Variants in FIGN observed in about 807,000 individuals in gnomAD.
The protein encoded by FIGN is fidgetin, microtubule severing factor.
FIGN carries 11 observed loss-of-function variants against 51.3 expected under a neutral mutation model. That is an observed-to-expected ratio of 0.21 (90% CI 0.13 to 0.35). The LOEUF (loss-of-function observed/expected upper bound fraction) is 0.35, where lower values mean the gene tolerates loss of function less well. Ranked by LOEUF, FIGN falls within the 10% of genes least tolerant of loss-of-function variation. FIGN has a pLI of 1.00. For synonymous variants in FIGN, 407 were observed against 363.2 expected, an observed-to-expected ratio of 1.12 and a Z score of -1.37; for missense variants, 857 against 943.6, an observed-to-expected ratio of 0.91 and a Z score of 1.20.
In FIGN at chr2:163,660,932, G is replaced by T. The variant is rs1377234038; in HGVS notation, c.26-49126C>A. The stretch of plus-strand genomic sequence containing the variant: ...AGATGGAGTCTCTGTTGCCCAGGCT[G>T]GAGTCCAGTGGCATGATCTTGGCTC... On this transcript the variant is annotated intron_variant, in intron 2 of 2. Coordinates refer to ENST00000333129, the MANE Select transcript of FIGN (RefSeq NM_018086.4). Among the ~76,000 whole-genome samples, 3 of 119,402 alleles carry T rather than the reference G, an allele frequency of 2.5e-5. No individual in the cohort carries two copies. The East Asian group carries it at 7.3e-4, about 29-fold the overall frequency. The allele number at this position is 119,402 out of a possible 152,430, so 78.3% of individuals were successfully genotyped here.
At chr2:163,653,167 T>G (rs1194843633) in intron 2 of FIGN, among the ~76,000 whole-genome samples, 8 of 152,104 alleles carry the variant, frequency 5.3e-5, no homozygotes. Flanking sequence ...TTAAATGAGC[T>G]CATCCATGTA....
chr2:163,706,880 A>C (rs370139299), intron 2 of FIGN, among the ~76,000 whole-genome samples: 10 of 152,194 alleles, frequency 6.6e-5, no homozygotes, highest in African/African-American at 2.4e-4. Flanking sequence ...CAAACAAAAA[A>C]AATTATGCCA....
At chr2:163,658,396 TC>T (rs1402964270) in intron 2 of FIGN, among the ~76,000 whole-genome samples, 1 of 143,782 alleles carries the variant, frequency 7.0e-6, no homozygotes, top group Non-Finnish European at 1.5e-5. Context: ...TCTCTCTCTC[TC>T]TCTCTCTCTC....
chr2:163,610,200 C>A lies in FIGN; in HGVS notation c.1632G>T (p.Gly544=). The change falls in exon 3 of 3, where the codon GGG becomes GGT. Residue 544 remains glycine, a synonymous_variant. Coordinates refer to ENST00000333129, the MANE Select transcript of FIGN (RefSeq NM_018086.4). ...AACCGGCAATTTTGAAAAATGTGGCCCCCAGCTGACTAGCGATGCATCTGC... is the reference window on the plus strand; with the variant it reads ...AACCGGCAATTTTGAAAAATGTGGCACCCAGCTGACTAGCGATGCATCTGC... ...LLGRCIASQL[G]ATFFKIAGSG... is the part of the protein sequence containing the mutation. 6.2e-7 allele frequency: 1 copy of A among 1,614,092 alleles called. No individual in the cohort carries two copies. Among genetic ancestry groups the A allele is most frequent in the Non-Finnish European group, 8.5e-7 (1 of 1,180,018 alleles).
At chr2:163,618,611 A>C (rs1244480245) in intron 2 of FIGN, among the ~76,000 whole-genome samples, 1 of 147,966 alleles carries the variant, frequency 6.8e-6, no homozygotes, top group Non-Finnish European at 1.5e-5. Flanking sequence ...GATCCGTCTC[A>C]AAAAAAAAAA....
chr2:163,723,213 T>C (rs928823353), intron 2 of FIGN, among the ~76,000 whole-genome samples: 3 of 151,606 alleles, frequency 2.0e-5, no homozygotes, highest in African/African-American at 7.3e-5. Context: ...AATAATAAAA[T>C]AATAAAATAA....
intron 2 of FIGN, among the ~76,000 whole-genome samples, chr2:163,627,091 T>C (rs1428268073): frequency 2.0e-5 from 3 of 152,168 alleles, no homozygotes; most frequent in Non-Finnish European, 4.4e-5. Flanking sequence ...GTATACTCAA[T>C]TGAACAGCTT....
At chr2:163,702,156 A>G (rs1684417651) in intron 2 of FIGN, among the ~76,000 whole-genome samples, 1 of 152,112 alleles carries the variant, frequency 6.6e-6, no homozygotes, top group Non-Finnish European at 1.5e-5. Flanking sequence ...ATCTACCATG[A>G]AGCGTAATGA....
chr2:163,714,682 G>C (rs1684641948), intron 2 of FIGN, among the ~76,000 whole-genome samples: 1 of 152,092 alleles, frequency 6.6e-6, no homozygotes, highest in Admixed American at 6.5e-5. Context: ...TCCAACTTTG[G>C]CAATCCTCTA....
chr2:163,612,588 A>G (rs1682772353), intron 2 of FIGN: 4 of 898,694 alleles, frequency 4.5e-6, no homozygotes, highest in Non-Finnish European at 5.2e-6. Context: ...TGAGTCTCTG[A>G]AAAAAAAAAC....
intron 2 of FIGN, among the ~76,000 whole-genome samples, chr2:163,677,453 A>T (rs1169315803): frequency 6.6e-6 from 1 of 152,218 alleles, no homozygotes; most frequent in Non-Finnish European, 1.5e-5. Flanking sequence ...ACATGTGTCT[A>T]GTGAGTACTT....
chr2:163,618,136 T>G (rs1682908876), intron 2 of FIGN, among the ~76,000 whole-genome samples: 1 of 152,180 alleles, frequency 6.6e-6, no homozygotes, highest in Non-Finnish European at 1.5e-5. Flanking sequence ...GGTGTCAACA[T>G]TTTCAAATGT....
At chr2:163,725,954 T>C (rs548444829) in intron 2 of FIGN, among the ~76,000 whole-genome samples, 33 of 152,236 alleles carry the variant, frequency 2.2e-4, no homozygotes, top group African/African-American at 7.5e-4. Flanking sequence ...TGGACATTCA[T>C]TTCTGAATAA....
chr2:163,635,915 T>A (rs2105313495), intron 2 of FIGN, among the ~76,000 whole-genome samples: 1 of 152,214 alleles, frequency 6.6e-6, no homozygotes, highest in African/African-American at 2.4e-5. Context: ...ATAACTTGGA[T>A]TAAAAAAAAG....
chr2:163,711,254 C>A (rs1684583995), intron 2 of FIGN, among the ~76,000 whole-genome samples: 1 of 152,032 alleles, frequency 6.6e-6, no homozygotes, highest in Non-Finnish European at 1.5e-5. Flanking sequence ...ACCATTTGTC[C>A]AGCATACAGG....
chr2:163,699,489 T>A (rs944174035), intron 2 of FIGN, among the ~76,000 whole-genome samples: 3 of 90,510 alleles, frequency 3.3e-5, no homozygotes, highest in African/African-American at 3.5e-5. Context: ...TAGTGTATTT[T>A]CAAATGTAGA....
At chr2:163,710,408 A>T (rs1373702929) in intron 2 of FIGN, among the ~76,000 whole-genome samples, 1 of 152,226 alleles carries the variant, frequency 6.6e-6, no homozygotes, top group Non-Finnish European at 1.5e-5. Context: ...TGGTTAGGCT[A>T]AATGCCCTTC....
At chr2:163,693,256 TG>T (rs1559023070) in intron 2 of FIGN, among the ~76,000 whole-genome samples, 7 of 152,102 alleles carry the variant, frequency 4.6e-5, no homozygotes, top group African/African-American at 1.7e-4. Context: ...GTGGTGTGTG[TG>T]TGTATCTGTG....
At chr2:163,666,998 A>G (rs548263212) in intron 2 of FIGN, among the ~76,000 whole-genome samples, 1 of 152,122 alleles carries the variant, frequency 6.6e-6, no homozygotes, top group Non-Finnish European at 1.5e-5. Context: ...AAATATAATC[A>G]ATGTATACCG....
Sources: gnomAD v4.1 joint callset for allele counts (sites outside exome capture counted in the v4.1 genomes callset) on GRCh38, gnomAD v4.1.1 for gene constraint, MANE v1.5 for transcripts, NCBI Gene and HGNC (gene_info 2026-07-23, HGNC 2026-07-21) for gene names.